Variants in CNTN3 observed in about 807,000 individuals in gnomAD.
The protein encoded by CNTN3 is contactin-3.
A neutral mutation model predicts 119.1 loss-of-function variants in CNTN3; 60 were observed. The observed-to-expected ratio is 0.50, with a 90% CI of 0.41 to 0.62. The LOEUF (loss-of-function observed/expected upper bound fraction) is 0.62. CNTN3 is among the 20% of genes least tolerant of loss of function. The pLI is 0.00. For missense variants in CNTN3, 1,101 were observed against 1,242.4 expected, an observed-to-expected ratio of 0.89 and a Z score of 1.71; for synonymous variants, 450 against 438.7, an observed-to-expected ratio of 1.03 and a Z score of -0.32.
chr3:74,585,229 T>G (rs1704574624), intron 1 of CNTN3, among the ~76,000 whole-genome samples: 1 of 152,152 alleles, frequency 6.6e-6, no homozygotes, highest in African/African-American at 2.4e-5. Flanking sequence ...AGTGTGGACA[T>G]GTGCAAATGA....
chr3:74,417,982 T>C (rs866193203), intron 5 of CNTN3, among the ~76,000 whole-genome samples: 4 of 152,332 alleles, frequency 2.6e-5, no homozygotes, highest in South Asian at 4.1e-4. Context: ...AGTAATATTC[T>C]ATTGTACAGA....
intron 4 of CNTN3, among the ~76,000 whole-genome samples, chr3:74,485,511 G>A (rs919894146): frequency 2.0e-5 from 3 of 152,028 alleles, no homozygotes; most frequent in Non-Finnish European, 4.4e-5. Context: ...CCTTGCCATT[G>A]TTAAAATAGA....
At chr3:74,596,744 C>G (rs1021855261) in intron 1 of CNTN3, among the ~76,000 whole-genome samples, 1 of 151,998 alleles carries the variant, frequency 6.6e-6, no homozygotes, top group African/African-American at 2.4e-5. Flanking sequence ...AAATTGAAAT[C>G]AGTGGGCCTC....
chr3:74,343,551 T>C (rs888102670), intron 11 of CNTN3, among the ~76,000 whole-genome samples: 8 of 152,216 alleles, frequency 5.3e-5, no homozygotes, highest in Non-Finnish European at 7.3e-5. Flanking sequence ...CCTCAAGGTA[T>C]GTAGAGGATG....
rs1703855793 is a variant in CNTN3 at position 74,353,172 on chromosome 3, A to G, written c.1364+8718T>C. Among the ~76,000 whole-genome samples the G allele has an allele frequency of 2.0e-5, 3 of 152,302 alleles. No homozygotes were observed. The South Asian group carries it at 6.2e-4, about 32-fold the overall frequency. On this transcript the variant is annotated intron_variant, in intron 11 of 22. Coordinates refer to ENST00000263665, the MANE Select transcript of CNTN3 (RefSeq NM_020872.3). ...CTTGAGTCAAGGGGAAGTGCCACCT[A>G]AAACAGATTTGTTTGATAGTGACAG...
intron 4 of CNTN3, among the ~76,000 whole-genome samples, chr3:74,477,639 G>C (rs1257194277): frequency 6.6e-6 from 1 of 152,050 alleles, no homozygotes; most frequent in Non-Finnish European, 1.5e-5. Context: ...AAAATAAAAA[G>C]AGTTAGACAG....
chr3:74,426,962 G>A (rs1272170315), intron 4 of CNTN3, among the ~76,000 whole-genome samples: 1 of 152,164 alleles, frequency 6.6e-6, no homozygotes, highest in Non-Finnish European at 1.5e-5. Flanking sequence ...TCACAGTGTG[G>A]ATGTTTTCTA....
chr3:74,394,459 A>T (rs1265854352), intron 5 of CNTN3, among the ~76,000 whole-genome samples: 3 of 152,166 alleles, frequency 2.0e-5, no homozygotes, highest in Non-Finnish European at 4.4e-5. Flanking sequence ...TTCCAGTGAC[A>T]TCAAGGGTGT....
chr3:74,308,512 G>A (rs1702609703), intron 13 of CNTN3, among the ~76,000 whole-genome samples: 1 of 152,164 alleles, frequency 6.6e-6, no homozygotes, highest in Non-Finnish European at 1.5e-5. Flanking sequence ...CAAAAACTTG[G>A]TTGAAGGCAC....
At chr3:74,411,710 T>C (rs2106871661) in intron 5 of CNTN3, among the ~76,000 whole-genome samples, 1 of 152,062 alleles carries the variant, frequency 6.6e-6, no homozygotes, top group East Asian at 1.9e-4. Context: ...TGAGAGAAAA[T>C]AAGGAGTCTC....
intron 2 of CNTN3, among the ~76,000 whole-genome samples, chr3:74,502,496 G>C (rs1272321781): frequency 6.6e-6 from 1 of 152,090 alleles, no homozygotes; most frequent in African/African-American, 2.4e-5. Flanking sequence ...CTACTAATTT[G>C]CTAACATTTA....
intron 4 of CNTN3, among the ~76,000 whole-genome samples, chr3:74,436,406 A>C (rs1023725508): frequency 2.2e-4 from 34 of 152,104 alleles, no homozygotes; most frequent in African/African-American, 8.2e-4. Flanking sequence ...AGATGGCCTC[A>C]ATCTAAGCAG....
chr3:74,549,890 T>C (rs187701480), intron 1 of CNTN3, among the ~76,000 whole-genome samples: 1 of 152,332 alleles, frequency 6.6e-6, no homozygotes, highest in East Asian at 1.9e-4. Context: ...CTCAGGGTCC[T>C]GGAACAGGCA....
chr3:74,411,342 G>A (rs984174389), intron 5 of CNTN3, among the ~76,000 whole-genome samples: 1 of 152,100 alleles, frequency 6.6e-6, no homozygotes, highest in Non-Finnish European at 1.5e-5. Flanking sequence ...AATTACTGGT[G>A]AACCCTATCT....
In CNTN3 at chr3:74,378,318, A is replaced by C. The variant is rs939813798; in HGVS notation, c.455-6919T>G. Among the ~76,000 whole-genome samples the C allele has an allele frequency of 4.6e-5, 7 of 152,344 alleles. No homozygotes were observed. The South Asian group carries it at 1.0e-3, about 23-fold the overall frequency. The stretch of plus-strand genomic sequence containing the variant: ...AAGAGTCCGCACTGTAAACCGAAAG[A>C]CATCTATCAGCATGTTTAACATTTC... On this transcript the variant is annotated intron_variant, in intron 5 of 22. Coordinates refer to ENST00000263665, the MANE Select transcript of CNTN3 (RefSeq NM_020872.3).
chr3:74,314,330 T>C (rs1026551375), intron 13 of CNTN3, among the ~76,000 whole-genome samples: 1 of 152,206 alleles, frequency 6.6e-6, no homozygotes, highest in Non-Finnish European at 1.5e-5. Context: ...CTTGAATATC[T>C]ATAATCTAAA....
At chr3:74,416,451 A>G (rs757613853) in intron 5 of CNTN3, among the ~76,000 whole-genome samples, 1 of 152,142 alleles carries the variant, frequency 6.6e-6, no homozygotes, top group Non-Finnish European at 1.5e-5. Flanking sequence ...TTGTAATGAA[A>G]GTGTTAGAAT....
rs142508166 is a variant in CNTN3, at chr3:74,404,556, C to T, written c.454+20289G>A. Among the ~76,000 whole-genome samples the T allele has an allele frequency of 3.3e-5, 5 of 151,988 alleles. No homozygotes were observed. The East Asian group carries it at 9.7e-4, about 29-fold the overall frequency. ...AGAAATGATTTTTCCTTGTAGACAT[C>T]AACATGTTCTTAATATAACTCAGGA... On this transcript the variant is annotated intron_variant, in intron 5 of 22. Transcript: ENST00000263665.
At chr3:74,338,500 G>GTC (rs567552970) in intron 11 of CNTN3, among the ~76,000 whole-genome samples, 9,815 of 150,966 alleles carry the variant, frequency 0.065, 456 homozygotes, top group Admixed American at 0.12. Context: ...ACGTGCGTGT[G>GTC]TGTGTGTATA....
Sources: allele counts gnomAD v4.1 joint callset (sites outside exome capture counted in the v4.1 genomes callset), GRCh38; gene constraint gnomAD v4.1.1; transcripts MANE v1.5; gene names NCBI Gene and HGNC (gene_info 2026-07-23, HGNC 2026-07-21).